ADARB2: variants seen among roughly 807,000 people sequenced by gnomAD.
The protein encoded by ADARB2 is inactive double-stranded RNA-specific editase B2.
ADARB2 carries 25 observed loss-of-function variants against 62.2 expected under a neutral mutation model. The ratio of observed to expected loss-of-function variants is 0.40; its 90% CI spans 0.29 to 0.56. The LOEUF is 0.56. ADARB2 is among the 20% of genes least tolerant of loss of function. ADARB2 has a pLI of 0.43. For missense variants in ADARB2, 1,071 were observed against 1,077.4 expected, an observed-to-expected ratio of 0.99 and a Z score of 0.08; for synonymous variants, 572 against 500.8, an observed-to-expected ratio of 1.14 and a Z score of -1.90.
chr10:1,243,255 G>A (rs1830944831), intron 4 of ADARB2, among the ~76,000 whole-genome samples: 2 of 152,376 alleles, frequency 1.3e-5, no homozygotes, highest in African/African-American at 4.8e-5. Flanking sequence ...CGGATCGCAG[G>A]CCAAGGGAGG....
chr10:1,241,831 G>A (rs958735282), intron 5 of ADARB2, among the ~76,000 whole-genome samples: 3 of 152,196 alleles, frequency 2.0e-5, no homozygotes, highest in Admixed American at 6.5e-5. Flanking sequence ...GGGGGCATGG[G>A]GAACCGAGGC....
Position 1,541,603 on chromosome 10 carries a change from G to T in ADARB2, c.101-162443C>A, listed in dbSNP as rs74197917. Reference sequence around the variant, plus strand: ...ACAGCCGCCCAGACCCCACTCAGACGCAGTTCAGACCCTGGATCCGTCCAG... The same window carrying T: ...ACAGCCGCCCAGACCCCACTCAGACTCAGTTCAGACCCTGGATCCGTCCAG... On this transcript the variant is annotated intron_variant, in intron 1 of 9. Coordinates refer to ENST00000381312, the MANE Select transcript of ADARB2 (RefSeq NM_018702.4). Among the ~76,000 whole-genome samples the T allele has an allele frequency of 2.1e-4, 3 of 14,510 alleles. 1 individual carries two copies. Among genetic ancestry groups the T allele is most frequent in the Non-Finnish European group, 3.6e-4 (3 of 8,240 alleles). The allele number at this position is 14,510 out of a possible 152,430, so 9.5% of individuals were successfully genotyped here.
chr10:1,197,287 A>T (rs756025447), intron 8 of ADARB2, among the ~76,000 whole-genome samples: 57 of 152,262 alleles, frequency 3.7e-4, no homozygotes, highest in Non-Finnish European at 4.4e-4. Context: ...ATCTGGACTC[A>T]TAAAAAAAAT....
At chr10:1,547,112 C>T (rs926292657) in intron 1 of ADARB2, among the ~76,000 whole-genome samples, 3 of 152,228 alleles carry the variant, frequency 2.0e-5, no homozygotes, top group African/African-American at 4.8e-5. Context: ...TGTGGCCTGT[C>T]GGTCACCACT....
chr10:1,517,920 G>A (rs1832026165), intron 1 of ADARB2, among the ~76,000 whole-genome samples: 1 of 152,188 alleles, frequency 6.6e-6, no homozygotes, highest in Non-Finnish European at 1.5e-5. Flanking sequence ...CCCAAAGCAC[G>A]GGACAGAGCC....
At chr10:1,591,300 C>A (rs1400396329) in intron 1 of ADARB2, among the ~76,000 whole-genome samples, 1 of 152,214 alleles carries the variant, frequency 6.6e-6, no homozygotes, top group African/African-American at 2.4e-5. Context: ...GGAGGCTCCG[C>A]GAGGGCGTGC....
Position 1,398,301 on chromosome 10 carries a change from T to G in ADARB2, c.101-19141A>C, listed in dbSNP as rs1416316084. 6.6e-6 allele frequency among the ~76,000 whole-genome samples: 1 copy of G among 152,268 alleles called. No homozygotes were observed. The highest frequency in any genetic ancestry group is 1.9e-4 in the East Asian group (1 of 5,192). ...TTCCTGGGGCAGGGCTTCGCCTGCT[T>G]CCTGCAATTGTGTCCAGGGCGCAGG... On this transcript the variant is annotated intron_variant, in intron 1 of 9. Coordinates refer to ENST00000381312, the MANE Select transcript of ADARB2 (RefSeq NM_018702.4). The surrounding 1 kb of genome is among the most constrained non-coding windows in gnomAD (Gnocchi z 4.1).
At chr10:1,371,302 A>C (rs773745603) in intron 2 of ADARB2, among the ~76,000 whole-genome samples, 1 of 152,250 alleles carries the variant, frequency 6.6e-6, no homozygotes, top group Non-Finnish European at 1.5e-5. Context: ...TCGACGATGG[A>C]TTAAAGACTT....
intron 6 of ADARB2, among the ~76,000 whole-genome samples, chr10:1,220,171 G>GTGA (rs200467593): frequency 2.5e-5 from 2 of 80,274 alleles, no homozygotes; most frequent in Non-Finnish European, 5.5e-5. Flanking sequence ...GGTAATGATG[G>GTGA]TGGTGATGAT....
intron 1 of ADARB2, among the ~76,000 whole-genome samples, chr10:1,482,776 AGGACTGCTTATGTGGACACTCGTG>A (rs1404527188): frequency 1.3e-5 from 2 of 152,080 alleles, no homozygotes; most frequent in Admixed American, 6.5e-5. Flanking sequence ...AACCCTTGTC[AGGACTGCTTATGTGGACACTCGTG>A]CAGGACCCTT....
At chr10:1,604,197 A>G (rs1289867122) in intron 1 of ADARB2, among the ~76,000 whole-genome samples, 1 of 152,246 alleles carries the variant, frequency 6.6e-6, no homozygotes, top group Admixed American at 6.5e-5. Flanking sequence ...TTTTTCAGCT[A>G]CTACAGAACC....
chr10:1,474,074 C>T (rs1265166657), intron 1 of ADARB2, among the ~76,000 whole-genome samples: 1 of 115,966 alleles, frequency 8.6e-6, no homozygotes, highest in African/African-American at 3.2e-5. Flanking sequence ...AGCCCCCATC[C>T]CACTGAGCAC....
At chr10:1,519,563 G>T (rs746439650) in intron 1 of ADARB2, among the ~76,000 whole-genome samples, 3 of 152,132 alleles carry the variant, frequency 2.0e-5, no homozygotes, top group Non-Finnish European at 2.9e-5. Flanking sequence ...CATCATCCCC[G>T]GTGCCCTACT....
chr10:1,266,129 C>T (rs900521284), intron 4 of ADARB2, among the ~76,000 whole-genome samples: 3 of 151,772 alleles, frequency 2.0e-5, no homozygotes, highest in Non-Finnish European at 2.9e-5. Context: ...GCCAGGTCCA[C>T]GCTCTCCCGG....
Position 1,355,993 on chromosome 10 carries a change from A to C in ADARB2, c.1077+7035T>G, listed in dbSNP as rs1363871216. ...CATACATTGTATTTACATTGTATAA[A>C]TGCATAAATGTATTGTTAAGCATCT... On this transcript the variant is annotated intron_variant, in intron 3 of 9. Coordinates refer to ENST00000381312, the MANE Select transcript of ADARB2 (RefSeq NM_018702.4). 2.0e-5 allele frequency among the ~76,000 whole-genome samples: 3 copies of C among 152,236 alleles called. No homozygotes were observed. In the South Asian group the frequency reaches 6.2e-4, roughly 32 times the overall value.
At chr10:1,247,632 A>G (rs1830998784) in intron 4 of ADARB2, among the ~76,000 whole-genome samples, 1 of 152,136 alleles carries the variant, frequency 6.6e-6, no homozygotes. Context: ...TGAGGTGGAG[A>G]ACAGAGCTCA....
intron 2 of ADARB2, among the ~76,000 whole-genome samples, chr10:1,371,991 A>G (rs986924893): frequency 1.3e-5 from 2 of 152,286 alleles, no homozygotes; most frequent in Middle Eastern, 3.4e-3. Context: ...AAATCATTAC[A>G]TAAAAAAGAC....
chr10:1,578,194 T>G (rs1564336356), intron 1 of ADARB2, among the ~76,000 whole-genome samples: 1 of 152,152 alleles, frequency 6.6e-6, no homozygotes, highest in Non-Finnish European at 1.5e-5. Flanking sequence ...TTCCCAGCAC[T>G]TCCCGCAGCG....
At chr10:1,345,534 C>T (rs752386009) in intron 3 of ADARB2, among the ~76,000 whole-genome samples, 7 of 152,214 alleles carry the variant, frequency 4.6e-5, no homozygotes, top group Non-Finnish European at 1.0e-4. Context: ...CCATGTCCTC[C>T]TGCCCTTGGG....
Sources: allele counts gnomAD v4.1 joint callset (sites outside exome capture counted in the v4.1 genomes callset), GRCh38; gene constraint gnomAD v4.1.1; non-coding constraint Gnocchi (gnomAD v3.1); transcripts MANE v1.5; gene names NCBI Gene and HGNC (gene_info 2026-07-23, HGNC 2026-07-21).